Variants in ZC3HAV1L observed in about 807,000 individuals in gnomAD.
The protein encoded by ZC3HAV1L is ZC3HAV1 like, also known as zinc finger CCCH-type antiviral protein 1-like.
ZC3HAV1L carries 23 observed loss-of-function variants against 28.2 expected under a neutral mutation model. The ratio of observed to expected loss-of-function variants is 0.82; its 90% CI spans 0.59 to 1.16. The LOEUF (loss-of-function observed/expected upper bound fraction) is 1.16, where lower values mean the gene tolerates loss of function less well. ZC3HAV1L is among the 50% of genes most tolerant of loss of function. ZC3HAV1L has a pLI of 0.00. For synonymous variants in ZC3HAV1L, 180 were observed against 163.4 expected (o/e 1.10, Z -0.78); for missense variants, 376 against 387.7 (o/e 0.97, Z 0.25).
chr7:139,027,634 G>A (rs1299218836), intron 3 of ZC3HAV1L, among the ~76,000 whole-genome samples: 2 of 152,180 alleles, frequency 1.3e-5, no homozygotes, highest in South Asian at 4.1e-4. Flanking sequence ...TCATGACTGT[G>A]CCACTGTACT....
intron 3 of ZC3HAV1L, among the ~76,000 whole-genome samples, chr7:139,027,199 CCAA>C (rs1265594998): frequency 6.6e-6 from 1 of 152,142 alleles, no homozygotes; most frequent in East Asian, 1.9e-4. Context: ...CACTAACATC[CCAA>C]CACATGAAAA....
chr7:139,028,591 GA>G, intron 3 of ZC3HAV1L, 110 bp downstream of exon 3: 4 of 1,366,070 alleles, frequency 2.9e-6, no homozygotes, highest in Non-Finnish European at 4.0e-6. Context: ...ATTAACATAG[GA>G]ACTGCTTTGC....
At position 139,035,865 on chromosome 7, in the gene ZC3HAV1L, C is replaced by T. The variant is rs1306113666; in HGVS notation, c.153G>A (p.Leu51=). 4.0e-6 allele frequency: 6 copies of T among 1,509,872 alleles called. No individual in the cohort carries two copies. In the East Asian group the frequency reaches 1.3e-4, roughly 34 times the overall value. 93.5% of individuals were successfully genotyped at this position (1,509,872 alleles called of 1,614,324 possible). A position where few individuals can be genotyped will look rare whatever the true frequency, so the allele number is the denominator to read the frequency against. ...LQRAGPERFL[L]QEVETQEGLG... The stretch of plus-strand genomic sequence containing the variant: ...GGCCCTCCTGCGTCTCCACCTCCTG[C>T]AGCAGGAAACGCTCGGGCCCGGCGC... The change falls in exon 1 of 5, where the codon CTG becomes CTA. Residue 51 remains leucine, a synonymous_variant. Transcript: ENST00000275766.
At position 139,035,742 on chromosome 7, in the gene ZC3HAV1L, G is replaced by A; in HGVS notation, c.276C>T (p.Ala92=). 6.7e-7 allele frequency: 1 copy of A among 1,489,520 alleles called. No individual in the cohort carries two copies. The highest frequency in any genetic ancestry group is 8.9e-7 in the Non-Finnish European group (1 of 1,128,610). The allele number at this position is 1,489,520 out of a possible 1,614,324, so 92.3% of individuals were successfully genotyped here. ...CCTGGCACTCGCCGCGCTGGTAGCG[G>A]GCGCAGAGGCGCACAGAGGACACGG... ...VVAVSSVRLC[A]RYQRGECQAC... The change falls in exon 1 of 5, where the codon GCC becomes GCT. Residue 92 remains alanine, a synonymous_variant. Transcript: ENST00000275766.
chr7:139,033,741 T>C (rs1815606961), intron 2 of ZC3HAV1L: 1 of 985,408 alleles, frequency 1.0e-6, no homozygotes, highest in South Asian at 4.7e-5. Context: ...ACTAAACTTC[T>C]ATAAATCAAA....
In ZC3HAV1L at chr7:139,035,671, C is replaced by A; in HGVS notation, c.347G>T (p.Cys116Phe). The stretch of plus-strand genomic sequence containing the variant: ...TTCTCACCAGCAGTCCCGGTTGGGG[C>A]ACTTGCCCAGCATGTGCCGGCGGCA... The part of the protein sequence containing the change: ...HFCRRHMLGK[C>F]PNRDCWSTCT... Residue 116 changes from cysteine to phenylalanine, a missense_variant, in exon 1 of 5, where the codon TGC becomes TTC. Transcript: ENST00000275766. 2 of 1,466,696 alleles carry A rather than the reference C, an allele frequency of 1.4e-6. No homozygotes were observed. Among genetic ancestry groups the A allele is most frequent in the Non-Finnish European group, 1.8e-6 (2 of 1,118,694 alleles). 90.9% of individuals were successfully genotyped at this position (1,466,696 alleles called of 1,614,324 possible). A position where few individuals can be genotyped will look rare whatever the true frequency, so the allele number is the denominator to read the frequency against.
chr7:139,028,018 A>G (rs1307338887), intron 3 of ZC3HAV1L, among the ~76,000 whole-genome samples: 2 of 152,148 alleles, frequency 1.3e-5, no homozygotes. Flanking sequence ...CCATCCCTAC[A>G]TTAATCTTAC....
In ZC3HAV1L at chr7:139,026,430, C is replaced by G; in HGVS notation, c.*114G>C. 1 of 1,513,410 alleles carries G rather than the reference C, an allele frequency of 6.6e-7. No individual in the cohort carries two copies. The highest frequency in any genetic ancestry group is 8.8e-7 in the Non-Finnish European group (1 of 1,131,768). 93.7% of individuals were successfully genotyped at this position (1,513,410 alleles called of 1,614,324 possible). A position where few individuals can be genotyped will look rare whatever the true frequency, so the allele number is the denominator to read the frequency against. On this transcript the variant is annotated 3_prime_UTR_variant, in exon 5 of 5. Transcript: ENST00000275766. Reference sequence around the variant, plus strand: ...CTTCAGCACTTGCCCTGGACTAGCCCCATCTGCACTCAATTTTAGCCTCTC... The same window carrying G: ...CTTCAGCACTTGCCCTGGACTAGCCGCATCTGCACTCAATTTTAGCCTCTC...
chr7:139,026,479 C>A lies in ZC3HAV1L; in HGVS notation c.*65G>T. On this transcript the variant is annotated 3_prime_UTR_variant, in exon 5 of 5. Transcript: ENST00000275766. Reference sequence around the variant, plus strand: ...TCTTTGCCTGTTCAATGTCCCACCCCATCCCCAACCACCCATGCCCAAATG... The same window carrying A: ...TCTTTGCCTGTTCAATGTCCCACCCAATCCCCAACCACCCATGCCCAAATG... 6.2e-7 allele frequency: 1 copy of A among 1,603,574 alleles called. No individual in the cohort carries two copies.
chr7:139,035,639 C>A lies in ZC3HAV1L; in HGVS notation c.365+14G>T. ...GCCAGCGCCCACAGTCCCCGCCCGC[C>A]GCCGCCTTCTCACCAGCAGTCCCGG... On this transcript the variant is annotated intron_variant, in intron 1 of 4. Transcript: ENST00000275766. 7.2e-7 allele frequency: 1 copy of A among 1,394,056 alleles called. No homozygotes were observed. The highest frequency in any genetic ancestry group is 1.6e-5 in the South Asian group (1 of 63,070). The allele number at this position is 1,394,056 out of a possible 1,614,324, so 86.4% of individuals were successfully genotyped here.
At chr7:139,032,076 T>A (rs1166276743) in intron 2 of ZC3HAV1L, among the ~76,000 whole-genome samples, 1 of 152,060 alleles carries the variant, frequency 6.6e-6, no homozygotes, top group East Asian at 1.9e-4. Context: ...CCAGCCTGGG[T>A]GACACAGCGA....
chr7:139,032,395 G>A (rs1427653388), intron 2 of ZC3HAV1L, among the ~76,000 whole-genome samples: 3 of 152,062 alleles, frequency 2.0e-5, no homozygotes, highest in Non-Finnish European at 4.4e-5. Context: ...AGCACTCTGG[G>A]AGGCTGAGGT....
At chr7:139,032,491 G>C (rs2130635473) in intron 2 of ZC3HAV1L, among the ~76,000 whole-genome samples, 1 of 151,574 alleles carries the variant, frequency 6.6e-6, no homozygotes, top group Non-Finnish European at 1.5e-5. Flanking sequence ...CAAAAAATTA[G>C]CTGGGCATCA....
intron 2 of ZC3HAV1L, among the ~76,000 whole-genome samples, chr7:139,031,434 G>A (rs983718916): frequency 1.3e-5 from 2 of 152,016 alleles, no homozygotes; most frequent in South Asian, 2.1e-4. Context: ...AAAACACAAC[G>A]AATTAACTAG....
chr7:139,034,911 T>C (rs1815653431), intron 1 of ZC3HAV1L: 1 of 985,156 alleles, frequency 1.0e-6, no homozygotes, highest in South Asian at 4.7e-5. Flanking sequence ...AAGCCAAGGG[T>C]CGCCCACCTC....
At chr7:139,021,726 A>C (rs1188336148), downstream of ZC3HAV1L, among the ~76,000 whole-genome samples, 1 of 152,110 alleles carries the variant, frequency 6.6e-6, no homozygotes, top group African/African-American at 2.4e-5. Context: ...AGCTTCCAAC[A>C]AACAAGAATA....
In ZC3HAV1L at chr7:139,035,799, G is replaced by C. The variant is rs921648854; in HGVS notation, c.219C>G (p.Gly73=). ...CCCTCCAGGCGGAGGTGCCGCCACC[G>C]CCCACCGCGCCGGCCGCCGCCTCGG... ...AEAEAAAGAV[G]GGGTSAWRVV... The change falls in exon 1 of 5, where the codon GGC becomes GGG. Residue 73 remains glycine, a synonymous_variant. Coordinates refer to ENST00000275766, the MANE Select transcript of ZC3HAV1L (RefSeq NM_080660.4). The C allele has an allele frequency of 9.3e-5, 138 of 1,487,162 alleles. No individual in the cohort carries two copies. Among genetic ancestry groups the C allele is most frequent in the Non-Finnish European group, 1.2e-4 (136 of 1,127,544 alleles). 92.1% of individuals were successfully genotyped at this position (1,487,162 alleles called of 1,614,324 possible).
chr7:139,026,777 C>T lies in ZC3HAV1L; in HGVS notation c.817G>A (p.Ala273Thr), dbSNP rs758018737. The T allele has an allele frequency of 1.2e-5, 20 of 1,614,046 alleles. No individual in the cohort carries two copies. The African/African-American group carries it at 1.3e-4, about 11-fold the overall frequency. ...SQGLEKQGVH[A>T]AGAAEAGPLA... ...GGACCAGCTTCTGCAGCTCCAGCTG[C>T]GTGCACTCCTTGCTTCTCAAGGCCT... The change falls in exon 4 of 5, where the codon GCA (alanine) becomes ACA (threonine). Residue 273 changes from alanine (A) to threonine (T), a missense_variant. Physicochemically the swap from Ala to Thr is moderately conservative, Grantham distance 58 (BLOSUM62 0). Coordinates refer to ENST00000275766, the MANE Select transcript of ZC3HAV1L (RefSeq NM_080660.4).
chr7:139,035,313 C>A (rs957290177), intron 1 of ZC3HAV1L: 3 of 985,428 alleles, frequency 3.0e-6, no homozygotes, highest in Non-Finnish European at 3.6e-6. Context: ...CCACGCCCCC[C>A]ACCTCCCGCC....
Sources: allele counts gnomAD v4.1 joint callset (sites outside exome capture counted in the v4.1 genomes callset), GRCh38; gene constraint gnomAD v4.1.1; transcripts MANE v1.5; gene names NCBI Gene and HGNC (gene_info 2026-07-23, HGNC 2026-07-21).